The following DNM3 variants were observed in gnomAD, a reference collection of about 807,000 sequenced individuals.
DNM3 encodes the protein dynamin 3.
In DNM3, 47 loss-of-function variants were observed where a neutral mutation model predicts 101.6. That is an observed-to-expected ratio of 0.46 (90% confidence interval 0.37 to 0.59). The LOEUF is 0.59. DNM3 is among the 20% of genes least tolerant of loss of function. The pLI, the probability that DNM3 is intolerant of heterozygous loss-of-function variation, is 0.00. For missense variants in DNM3, 849 were observed against 1,085.7 expected (o/e 0.78, Z 3.06); for synonymous variants, 385 against 387.9 (o/e 0.99, Z 0.09).
At chr1:172,166,528 A>T (rs577123435) in intron 14 of DNM3, among the ~76,000 whole-genome samples, 1 of 152,078 alleles carries the variant, frequency 6.6e-6, no homozygotes, top group African/African-American at 2.4e-5. Flanking sequence ...ATCTCTAGCT[A>T]TAGGTATCAA....
chr1:171,942,442 C>G (rs1006774617), intron 2 of DNM3, among the ~76,000 whole-genome samples: 1 of 151,884 alleles, frequency 6.6e-6, no homozygotes, highest in Non-Finnish European at 1.5e-5. Flanking sequence ...CTAACACAAC[C>G]TCAAAGGAAT....
At chr1:172,249,986 A>ACTGCTTAAACAATATATAAG (rs1343766858) in intron 14 of DNM3, among the ~76,000 whole-genome samples, 1 of 152,198 alleles carries the variant, frequency 6.6e-6, no homozygotes, top group African/African-American at 2.4e-5. Flanking sequence ...GCTTATATAA[A>ACTGCTTAAACAATATATAAG]CTGCTTAAAC....
chr1:171,989,104 C>G lies in DNM3; in HGVS notation c.545C>G (p.Ala182Gly), dbSNP rs1484275687. 2.5e-6 allele frequency: 4 copies of G among 1,613,140 alleles called. No individual in the cohort carries two copies. The highest frequency in any genetic ancestry group is 2.2e-5 in the East Asian group (1 of 44,844). The change falls in exon 4 of 21, where the codon GCA (alanine) becomes GGA (glycine). Residue 182 changes from alanine (A) to glycine (G), a missense_variant. Ala to Gly is a moderately conservative substitution (Grantham distance 60). Around this residue, in one of 5 missense-constraint regions of DNM3, gnomAD observed 388 missense variants for 483.0 expected, o/e 0.80. Transcript: ENST00000627582. ...GTTACTCCAGCCAACACTGATCTTGCAAACTCAGATGCGCTGAAGCTAGCT... is the reference window on the plus strand; with the variant it reads ...GTTACTCCAGCCAACACTGATCTTGGAAACTCAGATGCGCTGAAGCTAGCT... ...LAVTPANTDLANSDALKLAKE... is the reference protein window; with the variant it reads ...LAVTPANTDLGNSDALKLAKE...
At chr1:171,934,666 C>G (rs562332999) in intron 2 of DNM3, among the ~76,000 whole-genome samples, 1 of 152,228 alleles carries the variant, frequency 6.6e-6, no homozygotes, top group East Asian at 1.9e-4. Context: ...CAAGGTTAGA[C>G]CTGGGGATGT....
chr1:172,341,215 C>T (rs765088684), intron 17 of DNM3, among the ~76,000 whole-genome samples: 3 of 152,090 alleles, frequency 2.0e-5, no homozygotes, highest in Non-Finnish European at 4.4e-5. Flanking sequence ...AATTACAAAA[C>T]ACTGCTAAAA....
At chr1:172,306,561 C>T (rs562442130) in intron 15 of DNM3, among the ~76,000 whole-genome samples, 50 of 152,194 alleles carry the variant, frequency 3.3e-4, no homozygotes, top group Non-Finnish European at 5.9e-4. Flanking sequence ...AAAAAGAGCC[C>T]GCATTGCCAA....
rs1473587793 is a variant in DNM3, at chr1:172,373,497, A to G, written c.1894-5521A>G. Among the ~76,000 whole-genome samples the G allele has an allele frequency of 2.0e-5, 3 of 152,152 alleles. No homozygotes were observed. In the East Asian group the frequency reaches 5.8e-4, roughly 29 times the overall value. The stretch of plus-strand genomic sequence containing the variant: ...GATACACTACAAAATTTAAAATAAT[A>G]CAGAATTGTTTCAAATAATAATTGC... On this transcript the variant is annotated intron_variant, in intron 17 of 20. Coordinates refer to ENST00000627582, the MANE Select transcript of DNM3 (RefSeq NM_015569.5).
intron 14 of DNM3, among the ~76,000 whole-genome samples, chr1:172,141,366 T>G (rs2057570713): frequency 6.6e-6 from 1 of 152,076 alleles, no homozygotes; most frequent in South Asian, 2.1e-4. Context: ...TCTAGTTATT[T>G]TAAGCCAGGA....
intron 14 of DNM3, among the ~76,000 whole-genome samples, chr1:172,225,189 A>G (rs1473563387): frequency 1.7e-5 from 2 of 115,888 alleles, no homozygotes; most frequent in African/African-American, 3.4e-5. Flanking sequence ...GCCAGGCTGG[A>G]GTGCAGTGGC....
intron 14 of DNM3, among the ~76,000 whole-genome samples, chr1:172,222,358 A>G (rs2060938934): frequency 6.6e-6 from 1 of 152,186 alleles, no homozygotes; most frequent in Non-Finnish European, 1.5e-5. Flanking sequence ...AAGTTGCCTA[A>G]TATCAAAAAT....
At chr1:171,992,738 A>G (rs748722760) in intron 4 of DNM3, among the ~76,000 whole-genome samples, 8 of 152,034 alleles carry the variant, frequency 5.3e-5, no homozygotes, top group South Asian at 2.1e-4. Context: ...GATAGAATTT[A>G]TGTGTGCTAT....
intron 4 of DNM3, among the ~76,000 whole-genome samples, chr1:172,018,761 C>T (rs2047621621): frequency 6.6e-6 from 1 of 152,148 alleles, no homozygotes; most frequent in Admixed American, 6.5e-5. Context: ...TCTGTTAGAT[C>T]AATTAAGGAT....
chr1:172,378,802 C>T (rs1573663501), intron 17 of DNM3, among the ~76,000 whole-genome samples: 1 of 152,000 alleles, frequency 6.6e-6, no homozygotes, highest in Admixed American at 6.6e-5. Context: ...TACTTACTTG[C>T]TTTCCCTAGA....
chr1:171,914,315 G>A (rs752345354), intron 1 of DNM3, among the ~76,000 whole-genome samples: 37 of 151,982 alleles, frequency 2.4e-4, no homozygotes, highest in Non-Finnish European at 4.1e-4. Context: ...GCACCACCAC[G>A]CCTGGCTAAT....
intron 8 of DNM3, among the ~76,000 whole-genome samples, chr1:172,043,404 TCAAA>T (rs1429721556): frequency 6.6e-6 from 1 of 152,144 alleles, no homozygotes; most frequent in African/African-American, 2.4e-5. Flanking sequence ...GCTACTTGTC[TCAAA>T]CAGAGAGGTG....
intron 4 of DNM3, among the ~76,000 whole-genome samples, chr1:172,016,396 G>C (rs1407039823): frequency 1.3e-5 from 2 of 151,850 alleles, no homozygotes; most frequent in Non-Finnish European, 2.9e-5. Flanking sequence ...TTTTTCCCCT[G>C]CTTTATCCTA....
Position 171,841,761 on chromosome 1 carries a change from C to G in DNM3, c.105C>G (p.Ala35=), listed in dbSNP as rs375449968. 24 of 1,610,442 alleles carry G rather than the reference C, an allele frequency of 1.5e-5. No individual in the cohort carries two copies. The highest frequency in any genetic ancestry group is 1.9e-5 in the Non-Finnish European group (22 of 1,179,298). Residue 35 remains alanine, a synonymous_variant, in exon 1 of 21, where the codon GCC becomes GCG. Coordinates refer to ENST00000627582, the MANE Select transcript of DNM3 (RefSeq NM_015569.5). ...GCCTGCTGGAGCTGCCGCAGATCGC[C>G]GTGGTGGGCGGCCAGAGCGCCGGCA... is the stretch of plus-strand genomic sequence containing the variant. ...QSCLLELPQI[A]VVGGQSAGKS... is the part of the protein sequence containing the mutation.
chr1:172,033,173 C>A lies in DNM3; in HGVS notation c.757C>A (p.Leu253Met), dbSNP rs766641842. 1.2e-6 allele frequency: 2 copies of A among 1,611,418 alleles called. No individual in the cohort carries two copies. The highest frequency in any genetic ancestry group is 2.2e-5 in the South Asian group (2 of 90,442). The change falls in exon 6 of 21, where the codon CTG becomes ATG. Residue 253 changes from leucine (L) to methionine (M), a missense_variant. By Grantham distance (15) the Leu-to-Met change is conservative (BLOSUM62 2). This residue lies in a region of DNM3 where 388 missense variants were observed against 483.0 expected (regional missense o/e 0.80). Coordinates refer to ENST00000627582, the MANE Select transcript of DNM3 (RefSeq NM_015569.5). ...DGKKDIKAAMLAERKFFLSHP... is the reference protein window; with the variant it reads ...DGKKDIKAAMMAERKFFLSHP... ...GAAGAAGGACATAAAGGCAGCCATG[C>A]TGGCAGAGAGGAAGTTTTTCCTTTC...
At chr1:172,382,816 G>A (rs1466063822) in intron 18 of DNM3, among the ~76,000 whole-genome samples, 1 of 152,026 alleles carries the variant, frequency 6.6e-6, no homozygotes, top group Non-Finnish European at 1.5e-5. Flanking sequence ...AACGTTCTTA[G>A]GAATTTTTAA....
Sources: gnomAD v4.1 joint callset for allele counts (sites outside exome capture counted in the v4.1 genomes callset) on GRCh38, gnomAD v4.1.1 for gene constraint, gnomAD v4.1.1 regional missense constraint, MANE v1.5 for transcripts, NCBI Gene and HGNC (gene_info 2026-07-23, HGNC 2026-07-21) for gene names.